MATN2: variants seen among roughly 807,000 people sequenced by gnomAD.
MATN2 encodes the protein matrilin 2, also known as matrilin-2.
Under a neutral mutation model 103.2 loss-of-function variants are expected in MATN2, and 69 were observed. That is an observed-to-expected ratio of 0.67 (90% CI 0.55 to 0.82). The LOEUF (loss-of-function observed/expected upper bound fraction) is 0.82, where lower values mean the gene tolerates loss of function less well. Ranked by LOEUF, MATN2 falls within the 40% of genes least tolerant of loss-of-function variation. The pLI is 0.00. For missense variants in MATN2, 1,023 were observed against 1,211.5 expected, an observed-to-expected ratio of 0.84 and a Z score of 2.31; for synonymous variants, 429 against 450.2, an observed-to-expected ratio of 0.95 and a Z score of 0.60.
At chr8:97,877,194 G>T (rs1818106411) in intron 1 of MATN2, among the ~76,000 whole-genome samples, 1 of 151,338 alleles carries the variant, frequency 6.6e-6, no homozygotes, top group African/African-American at 2.4e-5. Flanking sequence ...ATTTTTTGGG[G>T]GGGCCAGGCA....
chr8:97,939,087 G>A (rs892205246), intron 3 of MATN2, among the ~76,000 whole-genome samples: 1 of 150,114 alleles, frequency 6.7e-6, no homozygotes, highest in Non-Finnish European at 1.5e-5. Context: ...ATGTTGGCCA[G>A]GCTGGTCTTA....
chr8:98,034,187 T>C (rs1253331079), intron 18 of MATN2: 2 of 455,854 alleles, frequency 4.4e-6, no homozygotes, highest in East Asian at 6.9e-5. Flanking sequence ...AGATCTTCTC[T>C]ATCGGCACTC....
At position 98,027,735 on chromosome 8, in the gene MATN2, C is replaced by T; in HGVS notation, c.2262C>T (p.Pro754=). 1 of 1,613,792 alleles carries T rather than the reference C, an allele frequency of 6.2e-7. No individual in the cohort carries two copies. The highest frequency in any genetic ancestry group is 8.5e-7 in the Non-Finnish European group (1 of 1,179,848). ...TTACCCAAGGAGAAGGGGCCAGGCC[C>T]CTTTCCACAAGGGTGCCCAGAGCAG... ...RSFTQGEGAR[P]LSTRVPRAAI... is the part of the protein sequence containing the mutation. Residue 754 remains proline (P), a synonymous_variant, in exon 14 of 19, where the codon CCC becomes CCT. Transcript: ENST00000254898.
intron 2 of MATN2, among the ~76,000 whole-genome samples, chr8:97,900,623 C>T (rs1818946673): frequency 1.3e-5 from 2 of 152,148 alleles, no homozygotes; most frequent in Non-Finnish European, 2.9e-5. Context: ...CCTACTTGAT[C>T]CATTTATTGA....
chr8:97,886,016 G>C (rs1223500072), intron 1 of MATN2, among the ~76,000 whole-genome samples: 1 of 152,172 alleles, frequency 6.6e-6, no homozygotes, highest in Non-Finnish European at 1.5e-5. Context: ...CCTCCTGTCA[G>C]ATCACCAGCA....
chr8:97,911,731 A>G (rs2130072504), intron 2 of MATN2, among the ~76,000 whole-genome samples: 1 of 152,126 alleles, frequency 6.6e-6, no homozygotes, highest in Non-Finnish European at 1.5e-5. Flanking sequence ...TAAAAAATAA[A>G]GTTATGCGGC....
intron 4 of MATN2, 76 bp from the exon 5 acceptor site, chr8:97,961,332 C>T (rs62523561): frequency 0.17 from 240,460 of 1,447,174 alleles, 23,249 homozygotes; most frequent in East Asian, 0.37. Flanking sequence ...CTGGAGTTCC[C>T]TGTTGCCTCA....
intron 5 of MATN2, among the ~76,000 whole-genome samples, chr8:97,972,162 C>T (rs1402119661): frequency 4.0e-5 from 6 of 150,928 alleles, no homozygotes; most frequent in African/African-American, 1.5e-4. Context: ...GGACCAACAC[C>T]GTCTCTACCA....
chr8:98,008,130 C>G (rs1243513136), intron 10 of MATN2, among the ~76,000 whole-genome samples: 1 of 152,066 alleles, frequency 6.6e-6, no homozygotes, highest in Non-Finnish European at 1.5e-5. Flanking sequence ...AAACGCTTTG[C>G]CCTGCTTTCT....
intron 3 of MATN2, among the ~76,000 whole-genome samples, chr8:97,938,943 C>T (rs943654432): frequency 3.9e-5 from 6 of 152,120 alleles, no homozygotes; most frequent in Non-Finnish European, 7.3e-5. Flanking sequence ...AATCTCAGCT[C>T]ACTGCAACCT....
At chr8:97,910,159 T>TCAAG (rs1481009657) in intron 2 of MATN2, among the ~76,000 whole-genome samples, 8 of 151,938 alleles carry the variant, frequency 5.3e-5, no homozygotes, top group Middle Eastern at 6.8e-3. Context: ...CCTCCCAGGT[T>TCAAG]CAAGCGATTT....
chr8:97,988,871 A>G (rs997253309), intron 6 of MATN2, among the ~76,000 whole-genome samples: 3 of 152,214 alleles, frequency 2.0e-5, no homozygotes, highest in African/African-American at 7.2e-5. Context: ...TACCCAAACC[A>G]GAAAAGAAAG....
chr8:98,027,317 C>T, intron 13 of MATN2, 99 bp from the exon 14 acceptor site: 1 of 1,087,102 alleles, frequency 9.2e-7, no homozygotes, highest in Non-Finnish European at 1.3e-6. Context: ...ACTGGTTCCC[C>T]AAAGTGGTTA....
chr8:97,905,617 C>T (rs1271666507), intron 2 of MATN2, among the ~76,000 whole-genome samples: 1 of 152,164 alleles, frequency 6.6e-6, no homozygotes, highest in African/African-American at 2.4e-5. Context: ...TCAACGGCCA[C>T]AGGTTGTTTT....
intron 2 of MATN2, among the ~76,000 whole-genome samples, chr8:97,899,879 A>G (rs1317952314): frequency 1.3e-5 from 2 of 152,124 alleles, no homozygotes; most frequent in East Asian, 3.8e-4. Context: ...GATTCACTTT[A>G]TGTTCCCACT....
chr8:97,985,988 G>T lies in MATN2; in HGVS notation c.1081+6980G>T, dbSNP rs569484750. On this transcript the variant is annotated intron_variant, in intron 6 of 18. Transcript: ENST00000254898. Reference sequence around the variant, plus strand: ...TATAATAATAAATCATAAGCATTTTGACATGTCACTTAAACGTTATCAAAA... The same window carrying T: ...TATAATAATAAATCATAAGCATTTTTACATGTCACTTAAACGTTATCAAAA... Among the ~76,000 whole-genome samples the T allele has an allele frequency of 1.1e-4, 17 of 152,228 alleles. No individual in the cohort carries two copies. The East Asian group carries it at 1.4e-3, about 12-fold the overall frequency.
chr8:97,878,799 C>T (rs1161990548), intron 1 of MATN2, among the ~76,000 whole-genome samples: 19 of 151,558 alleles, frequency 1.3e-4, no homozygotes, highest in Non-Finnish European at 5.9e-5. Flanking sequence ...TGCAGTGAGC[C>T]GAGATCATGC....
At chr8:98,009,194 C>T (rs1813075668) in intron 10 of MATN2, among the ~76,000 whole-genome samples, 1 of 152,138 alleles carries the variant, frequency 6.6e-6, no homozygotes, top group Non-Finnish European at 1.5e-5. Context: ...TGCATTTCAC[C>T]CACCAGCTGA....
intron 6 of MATN2, among the ~76,000 whole-genome samples, chr8:97,981,752 C>T (rs980687212): frequency 3.3e-5 from 5 of 152,208 alleles, no homozygotes. Context: ...TGATTTCCAC[C>T]CCAGCACCAG....
Sources: allele counts gnomAD v4.1 joint callset (sites outside exome capture counted in the v4.1 genomes callset), GRCh38; gene constraint gnomAD v4.1.1; transcripts MANE v1.5; gene names NCBI Gene and HGNC (gene_info 2026-07-23, HGNC 2026-07-21).